HIP1: variants seen among roughly 807,000 people sequenced by gnomAD.
The protein encoded by HIP1 is huntingtin-interacting protein 1.
HIP1 carries 65 observed loss-of-function variants against 147.6 expected under a neutral mutation model. The ratio of observed to expected loss-of-function variants is 0.44; its 90% CI spans 0.36 to 0.54. The LOEUF is 0.54. HIP1 is among the 20% of genes least tolerant of loss of function. The pLI is 0.00. For missense variants in HIP1, 1,061 were observed against 1,299.6 expected (o/e 0.82, Z 2.82); for synonymous variants, 479 against 504.0 (o/e 0.95, Z 0.67).
chr7:75,561,546 C>T (rs781928915), intron 12 of HIP1, 145 bp from the exon 13 acceptor site: 54 of 653,846 alleles, frequency 8.3e-5, no homozygotes, highest in Non-Finnish European at 1.5e-4. Context: ...TAAATGTTAC[C>T]AGATACTAAT....
intron 1 of HIP1, among the ~76,000 whole-genome samples, chr7:75,678,903 G>A (rs1214537798): frequency 6.6e-6 from 1 of 152,176 alleles, no homozygotes; most frequent in East Asian, 1.9e-4. Context: ...TCAGTACCTT[G>A]ATAAGCAAGA....
chr7:75,612,378 G>A (rs587708109), intron 1 of HIP1, among the ~76,000 whole-genome samples: 3 of 152,070 alleles, frequency 2.0e-5, no homozygotes, highest in South Asian at 4.1e-4. Flanking sequence ...GGGTGGTGGC[G>A]CGTACCTGTA....
intron 1 of HIP1, among the ~76,000 whole-genome samples, chr7:75,694,510 T>C (rs1338934265): frequency 6.7e-6 from 1 of 148,270 alleles, no homozygotes; most frequent in African/African-American, 2.5e-5. Context: ...TCTTTCTTTT[T>C]TTTTTTTTTT....
intron 1 of HIP1, among the ~76,000 whole-genome samples, chr7:75,617,796 C>A (rs587652348): frequency 1.3e-5 from 2 of 152,314 alleles, no homozygotes; most frequent in Non-Finnish European, 2.9e-5. Context: ...ATGGAGGAAA[C>A]CTTGGTTCTG....
At position 75,731,488 on chromosome 7, in the gene HIP1, A is replaced by AG. The variant is rs1285876080; in HGVS notation, c.120+7312_120+7313insC. 7.9e-5 allele frequency among the ~76,000 whole-genome samples: 12 copies of AG among 151,512 alleles called. 1 individual carries two copies. The highest frequency in any genetic ancestry group is 1.8e-4 in the Non-Finnish European group (12 of 67,838). On this transcript the variant is annotated intron_variant, in intron 1 of 30. Transcript: ENST00000336926. ...ACAGAGACTCCAACTCAAAAAAAAAAAAAAAAAAAAACGCCAGCTCTGATT... is the reference window on the plus strand; with the variant it reads ...ACAGAGACTCCAACTCAAAAAAAAAAGAAAAAAAAAAACGCCAGCTCTGATT...
In HIP1 at chr7:75,537,122, C is replaced by T. The variant is rs1168810733; in HGVS notation, c.*1050G>A. 2 of 232,520 alleles carry T rather than the reference C, an allele frequency of 8.6e-6. No homozygotes were observed. The highest frequency in any genetic ancestry group is 1.7e-5 in the Non-Finnish European group (2 of 117,698). 14.4% of individuals were successfully genotyped at this position (232,520 alleles called of 1,614,324 possible). ...ACCATTCACGGACAGTTCATTCCGG[C>T]AGGGAAGTAGTGTTGTTGATCTCAC... On this transcript the variant is annotated 3_prime_UTR_variant, in exon 31 of 31. Coordinates refer to ENST00000336926, the MANE Select transcript of HIP1 (RefSeq NM_005338.7).
In HIP1 at chr7:75,643,613, G is replaced by A. The variant is rs570398151; in HGVS notation, c.121-44366C>T. 2.6e-5 allele frequency among the ~76,000 whole-genome samples: 4 copies of A among 152,304 alleles called. No homozygotes were observed. The South Asian group carries it at 6.2e-4, about 24-fold the overall frequency. ...GTGGGATGGGAAGGGTTAGTCCAAA[G>A]GTTCTGTAACTTTGCCTACAGTGTT... On this transcript the variant is annotated intron_variant, in intron 1 of 30. Transcript: ENST00000336926.
intron 8 of HIP1, among the ~76,000 whole-genome samples, chr7:75,572,254 T>A (rs1239996047): frequency 6.6e-6 from 1 of 151,356 alleles, no homozygotes; most frequent in Non-Finnish European, 1.5e-5. Context: ...GTGTAAGAAC[T>A]TCTGTAAGAC....
chr7:75,668,330 T>C (rs1554514832), intron 1 of HIP1, among the ~76,000 whole-genome samples: 2 of 152,080 alleles, frequency 1.3e-5, no homozygotes, highest in African/African-American at 4.8e-5. Context: ...TGTTTTGTAT[T>C]GTTTTGTTTT....
chr7:75,552,106 G>C (rs1245238536), intron 22 of HIP1, among the ~76,000 whole-genome samples: 3 of 152,054 alleles, frequency 2.0e-5, no homozygotes, highest in Admixed American at 6.6e-5. Context: ...GGCCAGGCTG[G>C]TCTAGAACTC....
In HIP1 at chr7:75,715,774, C is replaced by CAAAAAAAAA. The variant is rs34769081; in HGVS notation, c.120+23018_120+23026dup. On this transcript the variant is annotated intron_variant, in intron 1 of 30. Coordinates refer to ENST00000336926, the MANE Select transcript of HIP1 (RefSeq NM_005338.7). ...TAGGCAACAGAGTGAGATCCTGTCTCAAAAAAAAAAAAAAAAAAAAAAAAA... is the reference window on the plus strand; with the variant it reads ...TAGGCAACAGAGTGAGATCCTGTCTCAAAAAAAAAAAAAAAAAAAAAAAAAAAAAAAAAA... Among the ~76,000 whole-genome samples, 305 of 36,712 alleles carry CAAAAAAAAA rather than the reference C, an allele frequency of 8.3e-3. 36 individuals are homozygous for CAAAAAAAAA. Among genetic ancestry groups the CAAAAAAAAA allele is most frequent in the African/African-American group, 0.023 (198 of 8,540 alleles). 24.1% of individuals were successfully genotyped at this position (36,712 alleles called of 152,430 possible).
chr7:75,719,727 C>T (rs781792357), intron 1 of HIP1, among the ~76,000 whole-genome samples: 5 of 152,004 alleles, frequency 3.3e-5, no homozygotes, highest in African/African-American at 7.3e-5. Flanking sequence ...GCCCTCCACG[C>T]TCTTTTAATG....
At chr7:75,543,986 C>T (rs1794432876) in intron 27 of HIP1, among the ~76,000 whole-genome samples, 3 of 152,210 alleles carry the variant, frequency 2.0e-5, no homozygotes, top group South Asian at 4.1e-4. Flanking sequence ...TCCTGGCTAA[C>T]GCGGTGAAAC....
chr7:75,551,242 G>A (rs1794772703), intron 22 of HIP1, among the ~76,000 whole-genome samples: 1 of 119,300 alleles, frequency 8.4e-6, no homozygotes, highest in Non-Finnish European at 1.6e-5. Context: ...CTGTCGCCCA[G>A]GCTGGAGTGC....
At chr7:75,552,576 T>C (rs1190416391) in intron 22 of HIP1, among the ~76,000 whole-genome samples, 2 of 149,596 alleles carry the variant, frequency 1.3e-5, no homozygotes, top group African/African-American at 4.9e-5. Flanking sequence ...AGGCTGATAT[T>C]GAACTCCTGG....
chr7:75,569,274 A>G (rs1398028051), intron 8 of HIP1, among the ~76,000 whole-genome samples: 1 of 152,122 alleles, frequency 6.6e-6, no homozygotes, highest in Non-Finnish European at 1.5e-5. Flanking sequence ...CACTGGATAA[A>G]ATCAGGGAAC....
Position 75,719,270 on chromosome 7 carries a change from C to T in HIP1, c.120+19531G>A, listed in dbSNP as rs182142938. On this transcript the variant is annotated intron_variant, in intron 1 of 30. Transcript: ENST00000336926. ...TTATAATCCCAGCACTTTGGGAGGCCAAGGCGGGCGGATCATGAGGTCAGG... is the reference window on the plus strand; with the variant it reads ...TTATAATCCCAGCACTTTGGGAGGCTAAGGCGGGCGGATCATGAGGTCAGG... Among the ~76,000 whole-genome samples, 925 of 152,026 alleles carry T rather than the reference C, an allele frequency of 6.1e-3. 4 individuals carry two copies. The highest frequency in any genetic ancestry group is 0.027 in the Middle Eastern group (8 of 294).
At chr7:75,620,405 G>T (rs1179903723) in intron 1 of HIP1, among the ~76,000 whole-genome samples, 2 of 143,754 alleles carry the variant, frequency 1.4e-5, no homozygotes, top group Non-Finnish European at 3.0e-5. Context: ...AAAAAAAAAA[G>T]GCCAGGCACA....
chr7:75,650,312 C>T (rs577278486), intron 1 of HIP1, among the ~76,000 whole-genome samples: 3 of 152,164 alleles, frequency 2.0e-5, no homozygotes, highest in East Asian at 1.9e-4. Context: ...TGCCCCTGCC[C>T]GCCAGCTCCT....
Sources: gnomAD v4.1 joint callset for allele counts (sites outside exome capture counted in the v4.1 genomes callset) on GRCh38, gnomAD v4.1.1 for gene constraint, MANE v1.5 for transcripts, NCBI Gene and HGNC (gene_info 2026-07-23, HGNC 2026-07-21) for gene names.